CIART: variants seen among roughly 807,000 people sequenced by gnomAD.
CIART encodes the protein circadian associated repressor of transcription.
CIART carries 7 observed loss-of-function variants against 22.1 expected under a neutral mutation model. The ratio of observed to expected loss-of-function variants is 0.32; its 90% CI spans 0.18 to 0.59. The LOEUF (loss-of-function observed/expected upper bound fraction) is 0.59, where lower values mean the gene tolerates loss of function less well. CIART is among the 20% of genes least tolerant of loss of function. CIART has a pLI of 0.86. For synonymous variants in CIART, 163 were observed against 174.6 expected (o/e 0.93, Z 0.53); for missense variants, 440 against 478.0 (o/e 0.92, Z 0.74).
Position 150,283,161 on chromosome 1 carries a change from C to A in CIART, c.-107C>A. On this transcript the variant is annotated 5_prime_UTR_variant, in exon 1 of 5. Transcript: ENST00000290363. ...TACACCCCAATCTCCCAGTTCATTT[C>A]CTAATCCTTAAACTCTGGTTTCAAA... is the stretch of plus-strand genomic sequence containing the variant. 1 of 1,244,028 alleles carries A rather than the reference C, an allele frequency of 8.0e-7. No homozygotes were observed. The highest frequency in any genetic ancestry group is 1.1e-6 in the Non-Finnish European group (1 of 914,018). 77.1% of individuals were successfully genotyped at this position (1,244,028 alleles called of 1,614,324 possible).
Position 150,283,428 on chromosome 1 carries a change from G to T in CIART, c.161G>T (p.Gly54Val), listed in dbSNP as rs965985298. The T allele has an allele frequency of 6.2e-7, 1 of 1,614,104 alleles. No homozygotes were observed. Among genetic ancestry groups the T allele is most frequent in the Non-Finnish European group, 8.5e-7 (1 of 1,180,044 alleles). The part of the protein sequence containing the change: ...PRPDTVGQRG[G>V]SRPSPGPIRC... The stretch of plus-strand genomic sequence containing the variant: ...CCAGACACTGTTGGGCAGAGGGGAG[G>T]TTCACGGCCCAGCCCGGGTCCTATC... The change falls in exon 1 of 5, where the codon GGT becomes GTT. Residue 54 changes from glycine to valine, a missense_variant. Gly to Val is a moderately radical substitution (Grantham distance 109). Transcript: ENST00000290363.
intron 4 of CIART, among the ~76,000 whole-genome samples, chr1:150,286,208 G>A (rs1653475723): frequency 2.6e-5 from 4 of 152,044 alleles, no homozygotes; most frequent in Admixed American, 2.6e-4. Flanking sequence ...ATAGTATGTG[G>A]TCCATAGTAG....
Position 150,283,314 on chromosome 1 carries a change from CTT to C in CIART, c.48_49del (p.Ser17ValfsTer10). The C allele has an allele frequency of 6.5e-7, 1 of 1,540,352 alleles. No homozygotes were observed. The highest frequency in any genetic ancestry group is 8.7e-7 in the Non-Finnish European group (1 of 1,146,212). ...TCTTCCTATTCCTCCTACTCTCTCT[CTT>C]CGTCTTTTCCCACCTCCCCAGTGAA... On this transcript the variant is annotated frameshift_variant, in exon 1 of 5. Transcript: ENST00000290363. LOFTEE classifies it high-confidence loss of function.
chr1:150,284,780 C>A, intron 4 of CIART, 72 bp downstream of exon 4: 2 of 1,121,634 alleles, frequency 1.8e-6, no homozygotes, highest in Non-Finnish European at 2.6e-6. Context: ...CAGAAATGGC[C>A]CCTTTTGCCA....
chr1:150,284,153 G>A (rs1653344745), intron 2 of CIART, among the ~76,000 whole-genome samples: 1 of 151,900 alleles, frequency 6.6e-6, no homozygotes. Flanking sequence ...CAGTCGCTGG[G>A]ATTACAGGCG....
At position 150,286,822 on chromosome 1, in the gene CIART, GC is replaced by G. The variant is rs1553854788; in HGVS notation, c.1028del (p.Pro343HisfsTer20). 1.2e-6 allele frequency: 2 copies of G among 1,613,668 alleles called. No homozygotes were observed. Among genetic ancestry groups the G allele is most frequent in the Non-Finnish European group, 8.5e-7 (1 of 1,179,706 alleles). ...GTTGCTACAGTTTGCCAGTAACTCT[GC>G]CATCAGACTGGAGCTATACCCTATC... ...PRCYSLPVTL[P>X]SDWSYTLSPP... On this transcript the variant is annotated frameshift_variant, in exon 5 of 5. Transcript: ENST00000290363. LOFTEE classifies it low-confidence loss of function (END_TRUNC).
Position 150,284,402 on chromosome 1 carries a change from ATCTC to A in CIART, c.443-18_443-15del. On this transcript the variant is annotated intron_variant, in intron 2 of 4. Coordinates refer to ENST00000290363, the MANE Select transcript of CIART (RefSeq NM_144697.4). ...CTACATGCTTGAATCTCAATCCTTA[ATCTC>A]TCTCTGTCCCTGTCCCCAGGATTAA... The A allele has an allele frequency of 6.4e-7, 1 of 1,554,878 alleles. No homozygotes were observed. Among genetic ancestry groups the A allele is most frequent in the Middle Eastern group, 1.7e-4 (1 of 5,946 alleles).
rs2101894377 is a variant in CIART, at chr1:150,286,437, C to G, written c.641C>G (p.Pro214Arg). The change falls in exon 5 of 5, where the codon CCA becomes CGA. Residue 214 changes from proline to arginine, a missense_variant. By Grantham distance (103) the Pro-to-Arg change is moderately radical (BLOSUM62 -2). Transcript: ENST00000290363. ...GGKHQLTKHF[P>R]SHHSDSAASS... The stretch of plus-strand genomic sequence containing the variant: ...CATTTCTCCCCTCTCTAGCATTTTC[C>G]AAGCCACCACAGTGATTCAGCTGCT... 2 of 1,577,930 alleles carry G rather than the reference C, an allele frequency of 1.3e-6. No individual in the cohort carries two copies. The highest frequency in any genetic ancestry group is 2.7e-5 in the African/African-American group (2 of 73,838).
Position 150,286,550 on chromosome 1 carries a change from C to T in CIART, c.754C>T (p.Gln252Ter). The change falls in exon 5 of 5, where the codon CAA becomes TAA. Residue 252 changes from glutamine (Q) to a stop codon, truncating the protein, a stop_gained. Coordinates refer to ENST00000290363, the MANE Select transcript of CIART (RefSeq NM_144697.4). LOFTEE classifies it low-confidence loss of function (END_TRUNC). ...ACCAAAGCAGCCTTGGCACCTCACACAATGGCCAGCTATGAACCTCACCTG... is the reference window on the plus strand; with the variant it reads ...ACCAAAGCAGCCTTGGCACCTCACATAATGGCCAGCTATGAACCTCACCTG... ...LKPKQPWHLT[Q>*]WPAMNLTWIH... The T allele has an allele frequency of 6.2e-7, 1 of 1,603,926 alleles. No homozygotes were observed. Among genetic ancestry groups the T allele is most frequent in the Non-Finnish European group, 8.5e-7 (1 of 1,170,898 alleles).
chr1:150,283,090 G>A lies in CIART; in HGVS notation c.-178G>A. ...AAATGTCTTTTTCTATTGTGTTTGA[G>A]ACCGGTAATATTGGGGAGGGGGAGA... On this transcript the variant is annotated 5_prime_UTR_variant, in exon 1 of 5. Transcript: ENST00000290363. The A allele has an allele frequency of 1.8e-6, 1 of 569,166 alleles. No homozygotes were observed. The allele number at this position is 569,166 out of a possible 1,614,324, so 35.3% of individuals were successfully genotyped here. A position where few individuals can be genotyped will look rare whatever the true frequency, so the allele number is the denominator to read the frequency against.
Position 150,284,003 on chromosome 1 carries a change from T to TTTATTGTTATTA in CIART, c.442+128_442+129insGTTATTATTATT, listed in dbSNP as rs587613531. 3.3e-5 allele frequency: 16 copies of TTTATTGTTATTA among 490,092 alleles called. No individual in the cohort carries two copies. In the African/African-American group the frequency reaches 3.4e-4, roughly 10 times the overall value. 30.4% of individuals were successfully genotyped at this position (490,092 alleles called of 1,614,324 possible). A position where few individuals can be genotyped will look rare whatever the true frequency, so the allele number is the denominator to read the frequency against. On this transcript the variant is annotated intron_variant, in intron 2 of 4. Coordinates refer to ENST00000290363, the MANE Select transcript of CIART (RefSeq NM_144697.4). ...ATTACTCCTTTTTTGCTACTATGAC[T>TTTATTGTTATTA]TTATTATTATTATTATTATTATTAT...
Position 150,286,994 on chromosome 1 carries a change from G to A in CIART, c.*40G>A. 2.1e-6 allele frequency: 3 copies of A among 1,447,976 alleles called. No homozygotes were observed. The highest frequency in any genetic ancestry group is 2.8e-6 in the Non-Finnish European group (3 of 1,075,218). 89.7% of individuals were successfully genotyped at this position (1,447,976 alleles called of 1,614,324 possible). ...CTGTCCACTGTGACTTCTAATTTGT[G>A]TAAATATTTATGTATATATGTATTT... On this transcript the variant is annotated 3_prime_UTR_variant, in exon 5 of 5. Coordinates refer to ENST00000290363, the MANE Select transcript of CIART (RefSeq NM_144697.4).
rs138047846 is a variant in CIART at position 150,283,308 on chromosome 1, C to T, written c.41C>T (p.Ser14Phe). 6.9e-4 allele frequency: 1,053 copies of T among 1,534,956 alleles called. 4 individuals carry two copies. Among genetic ancestry groups the T allele is most frequent in the Middle Eastern group, 5.8e-3 (33 of 5,660 alleles). The change falls in exon 1 of 5, where the codon TCT becomes TTT. Residue 14 changes from serine (S) to phenylalanine (F), a missense_variant. Physicochemically the swap from Ser to Phe is radical, Grantham distance 155 (BLOSUM62 -2). Coordinates refer to ENST00000290363, the MANE Select transcript of CIART (RefSeq NM_144697.4). ...AGCGTTTCTTCCTATTCCTCCTACTCTCTCTCTTCGTCTTTTCCCACCTCC... is the reference window on the plus strand; with the variant it reads ...AGCGTTTCTTCCTATTCCTCCTACTTTCTCTCTTCGTCTTTTCCCACCTCC... ...PSSVSSYSSY[S>F]LSSSFPTSPV...
chr1:150,286,296 A>G, intron 4 of CIART, 134 bp from the exon 5 acceptor site: 1 of 776,626 alleles, frequency 1.3e-6, no homozygotes, highest in Non-Finnish European at 2.1e-6. Context: ...GCAAGATCAT[A>G]TCTGTTGCAT....
At position 150,286,782 on chromosome 1, in the gene CIART, C is replaced by T. The variant is rs1553854774; in HGVS notation, c.986C>T (p.Ser329Phe). 1.2e-6 allele frequency: 2 copies of T among 1,613,590 alleles called. No homozygotes were observed. The highest frequency in any genetic ancestry group is 1.7e-6 in the Non-Finnish European group (2 of 1,179,494). The change falls in exon 5 of 5, where the codon TCT becomes TTT. Residue 329 changes from serine to phenylalanine, a missense_variant. Coordinates refer to ENST00000290363, the MANE Select transcript of CIART (RefSeq NM_144697.4). ...ATCCCTGGTGAGCCTATGAAACTAT[C>T]TGGAGAGGGTCCTCGTTGCTACAGT... Reference protein sequence around the residue: ...PVIPGEPMKLSGEGPRCYSLP... With the variant: ...PVIPGEPMKLFGEGPRCYSLP...
At chr1:150,284,221 G>A (rs1653350521) in intron 2 of CIART, among the ~76,000 whole-genome samples, 1 of 151,932 alleles carries the variant, frequency 6.6e-6, no homozygotes, top group Non-Finnish European at 1.5e-5. Context: ...GTTTCGCTAT[G>A]TTGGCCAGGC....
In CIART at chr1:150,286,514, C is replaced by G. The variant is rs782115349; in HGVS notation, c.718C>G (p.Leu240Val). 4.4e-5 allele frequency: 70 copies of G among 1,588,348 alleles called. No individual in the cohort carries two copies. Among genetic ancestry groups the G allele is most frequent in the Non-Finnish European group, 5.9e-5 (68 of 1,156,874 alleles). ...EKMDQTQLGH[L>V]ALKPKQPWHL... ...GATGGACCAGACACAGCTAGGACAT[C>G]TAGCTTTAAAACCAAAGCAGCCTTG... The change falls in exon 5 of 5, where the codon CTA (leucine) becomes GTA (valine). Residue 240 changes from leucine to valine, a missense_variant. Leu to Val is a conservative substitution (Grantham distance 32). Coordinates refer to ENST00000290363, the MANE Select transcript of CIART (RefSeq NM_144697.4).
rs57585190 is a variant in CIART at position 150,284,003 on chromosome 1, TTTATTATTA to T, written c.442+144_442+152del. 1.1e-3 allele frequency: 540 copies of T among 490,088 alleles called. 58 individuals carry two copies. In the South Asian group the frequency reaches 0.014, roughly 12 times the overall value. 30.4% of individuals were successfully genotyped at this position (490,088 alleles called of 1,614,324 possible). A position where few individuals can be genotyped will look rare whatever the true frequency, so the allele number is the denominator to read the frequency against. ...ATTACTCCTTTTTTGCTACTATGAC[TTTATTATTA>T]TTATTATTATTATTATTATTTTGAG... On this transcript the variant is annotated intron_variant, in intron 2 of 4. Transcript: ENST00000290363.
rs942452 is a variant in CIART at position 150,284,919 on chromosome 1, G to A, written c.633+211G>A. The A allele has an allele frequency of 9.5e-3, 5,546 of 582,212 alleles. 43 individuals carry two copies. The highest frequency in any genetic ancestry group is 0.013 in the Non-Finnish European group (4,185 of 329,842). The allele number at this position is 582,212 out of a possible 1,614,324, so 36.1% of individuals were successfully genotyped here. A position where few individuals can be genotyped will look rare whatever the true frequency, so the allele number is the denominator to read the frequency against. Reference sequence around the variant, plus strand: ...GTTGTTTTGTTTGAATCACTGGGAGGAACTCCATGAAGTTTAATCCTATCC... The same window carrying A: ...GTTGTTTTGTTTGAATCACTGGGAGAAACTCCATGAAGTTTAATCCTATCC... On this transcript the variant is annotated intron_variant, in intron 4 of 4. Coordinates refer to ENST00000290363, the MANE Select transcript of CIART (RefSeq NM_144697.4).
Sources: allele counts gnomAD v4.1 joint callset (sites outside exome capture counted in the v4.1 genomes callset), GRCh38; gene constraint gnomAD v4.1.1; transcripts MANE v1.5; gene names NCBI Gene and HGNC (gene_info 2026-07-23, HGNC 2026-07-21).